Variants in CREB5 observed in about 807,000 individuals in gnomAD.
CREB5 encodes the protein cyclic AMP-responsive element-binding protein 5.
In CREB5, 19 loss-of-function variants were observed where a neutral mutation model predicts 57.1. That is an observed-to-expected ratio of 0.33 (90% confidence interval 0.23 to 0.49). The LOEUF is 0.49. CREB5 is among the 20% of genes least tolerant of loss of function. The probability of loss-of-function intolerance (pLI) is 0.99; values close to 1 mark genes in which losing one functional copy is unlikely to be tolerated. For synonymous variants in CREB5, 238 were observed against 238.3 expected, an observed-to-expected ratio of 1.00 and a Z score of 0.01; for missense variants, 579 against 671.6, an observed-to-expected ratio of 0.86 and a Z score of 1.52.
intron 1 of CREB5, among the ~76,000 whole-genome samples, chr7:28,372,636 A>C (rs2127994244): frequency 6.6e-6 from 1 of 152,368 alleles, no homozygotes; most frequent in Middle Eastern, 3.4e-3. Flanking sequence ...GATTGGTATT[A>C]AGGCATGACT....
At chr7:28,442,098 C>G (rs1278039305) in intron 1 of CREB5, among the ~76,000 whole-genome samples, 1 of 152,180 alleles carries the variant, frequency 6.6e-6, no homozygotes, top group Non-Finnish European at 1.5e-5. Flanking sequence ...TCATCCCCTT[C>G]CCAGCCTCTA....
chr7:28,741,863 C>T (rs1000711118), intron 7 of CREB5, among the ~76,000 whole-genome samples: 6 of 151,744 alleles, frequency 4.0e-5, no homozygotes, highest in African/African-American at 1.5e-4. Flanking sequence ...GTCAGGAGTT[C>T]GAGACCAGCC....
At chr7:28,449,586 C>T (rs542965648) in intron 1 of CREB5, among the ~76,000 whole-genome samples, 1 of 152,306 alleles carries the variant, frequency 6.6e-6, no homozygotes, top group South Asian at 2.1e-4. Flanking sequence ...TGTCCTGCAA[C>T]CTCAATGATA....
At chr7:28,421,767 C>T (rs768138415) in intron 1 of CREB5, among the ~76,000 whole-genome samples, 30 of 20,008 alleles carry the variant, frequency 1.5e-3, no homozygotes, top group Non-Finnish European at 2.0e-3. Context: ...CATACACACA[C>T]ACTATATATA....
intron 1 of CREB5, among the ~76,000 whole-genome samples, chr7:28,487,648 C>T (rs1423367615): frequency 6.6e-6 from 1 of 152,210 alleles, no homozygotes. Flanking sequence ...GCCACAGCTA[C>T]TTTGTAGTCC....
In CREB5 at chr7:28,808,228, G is replaced by C. The variant is rs576902979; in HGVS notation, c.1027-959G>C. ...CCTTTCACCCTGGTGAGCGCTCTGA[G>C]GGGCAGGCAGGCCCGGCTGGAGTAT... On this transcript the variant is annotated intron_variant, in intron 8 of 10. Coordinates refer to ENST00000357727, the MANE Select transcript of CREB5 (RefSeq NM_182898.4). Among the ~76,000 whole-genome samples, 416 of 152,308 alleles carry C rather than the reference G, an allele frequency of 2.7e-3. 22 individuals carry two copies. The South Asian group carries it at 0.084, about 31-fold the overall frequency.
chr7:28,608,582 A>G (rs188938607), intron 5 of CREB5, among the ~76,000 whole-genome samples: 1 of 151,972 alleles, frequency 6.6e-6, no homozygotes, highest in Non-Finnish European at 1.5e-5. Context: ...CCTCCTCCCA[A>G]TCTCCCTCCC....
Position 28,323,963 on chromosome 7 carries a change from A to G in CREB5, c.-25+24522A>G, listed in dbSNP as rs1020421649. Among the ~76,000 whole-genome samples, 10 of 152,266 alleles carry G rather than the reference A, an allele frequency of 6.6e-5. No individual in the cohort carries two copies. The East Asian group carries it at 1.9e-3, about 29-fold the overall frequency. On this transcript the variant is annotated intron_variant, in intron 1 of 9. Transcript: ENST00000396299. ...CCTAGATCCCTCACATATGCAGTTC[A>G]CAACAGGGTTCATGCTCCTATGAGA... is the stretch of plus-strand genomic sequence containing the variant.
intron 7 of CREB5, among the ~76,000 whole-genome samples, chr7:28,771,734 T>G (rs1174712463): frequency 2.6e-5 from 3 of 115,374 alleles, no homozygotes; most frequent in Non-Finnish European, 4.8e-5. Context: ...TCATAATGTT[T>G]AAAGCATCAG....
rs867286164 is a variant in CREB5, at chr7:28,622,257, T to A, written c.464+51720T>A. ...TATACACACATTCTCTCTCTCTCTC[T>A]CTCACACACACACACACACACACAC... On this transcript the variant is annotated intron_variant, in intron 5 of 10. Coordinates refer to ENST00000357727, the MANE Select transcript of CREB5 (RefSeq NM_182898.4). Among the ~76,000 whole-genome samples, 1,391 of 139,232 alleles carry A rather than the reference T, an allele frequency of 1.0e-2. 23 individuals are homozygous for A. The highest frequency in any genetic ancestry group is 0.036 in the African/African-American group (1,261 of 34,654). The allele number at this position is 139,232 out of a possible 152,430, so 91.3% of individuals were successfully genotyped here.
intron 4 of CREB5, among the ~76,000 whole-genome samples, chr7:28,547,266 T>C (rs1794457338): frequency 6.6e-6 from 1 of 152,236 alleles, no homozygotes; most frequent in African/African-American, 2.4e-5. Flanking sequence ...ACTAATAATA[T>C]AGGGTTCTTA....
chr7:28,816,384 G>A (rs924665416), intron 9 of CREB5, among the ~76,000 whole-genome samples: 11 of 152,096 alleles, frequency 7.2e-5, no homozygotes, highest in Non-Finnish European at 1.3e-4. Context: ...ATTTGGAGTT[G>A]GGAGGTACAA....
In CREB5 at chr7:28,388,625, T is replaced by C. The variant is rs1011978063; in HGVS notation, c.-25+89184T>C. ...CAAGTATTTCTCCAGACAGAAGCTT[T>C]TCATCATTTTTCTGATGAAGAAACT... On this transcript the variant is annotated intron_variant, in intron 1 of 9. Coordinates refer to the CREB5 transcript ENST00000396299. 5.9e-5 allele frequency among the ~76,000 whole-genome samples: 9 copies of C among 152,212 alleles called. 1 individual carries two copies. Among genetic ancestry groups the C allele is most frequent in the Non-Finnish European group, 1.3e-4 (9 of 68,020 alleles).
chr7:28,679,069 T>TTC (rs1800466299), intron 5 of CREB5, among the ~76,000 whole-genome samples: 2 of 146,420 alleles, frequency 1.4e-5, no homozygotes, highest in East Asian at 2.0e-4. Flanking sequence ...TTTTTTTTTT[T>TTC]CATTTAAGCA....
intron 7 of CREB5, among the ~76,000 whole-genome samples, chr7:28,725,264 C>T (rs765936263): frequency 6.6e-6 from 1 of 152,178 alleles, no homozygotes; most frequent in Non-Finnish European, 1.5e-5. Flanking sequence ...CCATCAATTC[C>T]TGTGCAGGGT....
At chr7:28,388,953 CAT>C (rs1787160594) in intron 1 of CREB5, among the ~76,000 whole-genome samples, 1 of 152,310 alleles carries the variant, frequency 6.6e-6, no homozygotes, top group Non-Finnish European at 1.5e-5. Flanking sequence ...GCTGTGGTGA[CAT>C]GTGTAGAAAA....
At chr7:28,463,286 T>C (rs1246997970) in intron 1 of CREB5, among the ~76,000 whole-genome samples, 2 of 152,344 alleles carry the variant, frequency 1.3e-5, no homozygotes, top group Admixed American at 6.5e-5. Flanking sequence ...CTTATTGGTC[T>C]GTATGTCTAT....
intron 1 of CREB5, among the ~76,000 whole-genome samples, chr7:28,405,492 G>A (rs1339989194): frequency 6.6e-6 from 1 of 152,136 alleles, no homozygotes; most frequent in Non-Finnish European, 1.5e-5. Context: ...GCTCATCGCA[G>A]CCTTGATCCT....
intron 5 of CREB5, among the ~76,000 whole-genome samples, chr7:28,573,412 A>G (rs1304001718): frequency 6.6e-6 from 1 of 152,248 alleles, no homozygotes; most frequent in Non-Finnish European, 1.5e-5. Context: ...AACAGCAAAC[A>G]GCAATGAAAG....
Sources: gnomAD v4.1 joint callset for allele counts (sites outside exome capture counted in the v4.1 genomes callset) on GRCh38, gnomAD v4.1.1 for gene constraint, MANE v1.5 for transcripts, NCBI Gene and HGNC (gene_info 2026-07-23, HGNC 2026-07-21) for gene names.